The following FDFT1 variants were observed in gnomAD, a reference collection of about 807,000 sequenced individuals.
FDFT1 encodes farnesyl-diphosphate farnesyltransferase 1.
FDFT1 carries 68 observed loss-of-function variants against 46.8 expected under a neutral mutation model. The observed-to-expected ratio is 1.45, with a 90% CI of 1.19 to 1.78. The LOEUF (loss-of-function observed/expected upper bound fraction) is 1.78, where lower values mean the gene tolerates loss of function less well. Among genes scored for constraint, FDFT1 ranks in the 40% most tolerant of loss-of-function variants. The pLI is 0.00. For missense variants in FDFT1, 928 were observed against 524.4 expected, an observed-to-expected ratio of 1.77 and a Z score of -7.52; for synonymous variants, 351 against 185.1, an observed-to-expected ratio of 1.90 and a Z score of -7.28.
chr8:11,808,290 G>A, intron 1 of FDFT1: 9 of 1,224,482 alleles, frequency 7.4e-6, no homozygotes, highest in Non-Finnish European at 9.1e-6. Context: ...GAAGTGCGCT[G>A]GGTTCCCTTA....
intron 1 of FDFT1, chr8:11,808,140 T>C: frequency 5.9e-6 from 3 of 507,754 alleles, no homozygotes; most frequent in Non-Finnish European, 7.8e-6. Flanking sequence ...TTTAGCAGGA[T>C]TCTTGGTAAA....
intron 5 of FDFT1, 78 bp from the exon 6 acceptor site, chr8:11,830,166 C>G: frequency 1.7e-6 from 2 of 1,205,380 alleles, no homozygotes; most frequent in Non-Finnish European, 1.2e-6. Flanking sequence ...TTCTTATGCA[C>G]AAAGACCCTT....
At chr8:11,816,926 A>T (rs1001096431) in intron 3 of FDFT1, among the ~76,000 whole-genome samples, 1 of 152,098 alleles carries the variant, frequency 6.6e-6, no homozygotes, top group African/African-American at 2.4e-5. Flanking sequence ...TGGTGAGAGG[A>T]CGGCATCCTT....
Position 11,836,970 on chromosome 8 carries a change from C to CA in FDFT1, c.1033-1417dup, listed in dbSNP as rs532371717. Among the ~76,000 whole-genome samples the CA allele has an allele frequency of 2.8e-4, 43 of 152,354 alleles. No homozygotes were observed. The East Asian group carries it at 7.3e-3, about 26-fold the overall frequency. ...GGTGAGTAAGTAGGTGCGGTGTAGTCAGGGTGAAAACTACAGATGGTCCAT... is the reference window on the plus strand; with the variant it reads ...GGTGAGTAAGTAGGTGCGGTGTAGTCAAGGGTGAAAACTACAGATGGTCCAT... On this transcript the variant is annotated intron_variant, in intron 7 of 7. Transcript: ENST00000220584.
chr8:11,830,844 C>T (rs545784493), intron 6 of FDFT1, among the ~76,000 whole-genome samples: 121 of 152,310 alleles, frequency 7.9e-4, no homozygotes, highest in African/African-American at 2.8e-3. Context: ...GTAGACCTAG[C>T]CTCTCAGTAT....
At chr8:11,825,988 C>T in intron 4 of FDFT1, 36 bp from the exon 5 acceptor site, 2 of 1,455,324 alleles carry the variant, frequency 1.4e-6, no homozygotes, top group South Asian at 1.5e-5. Context: ...AGTAAAAATT[C>T]CATTATTAAA....
chr8:11,798,400 G>T (rs1283415386), upstream of FDFT1, among the ~76,000 whole-genome samples: 1 of 152,190 alleles, frequency 6.6e-6, no homozygotes, highest in African/African-American at 2.4e-5. Context: ...TGCCATATGG[G>T]AAAGGACAGG....
intron 3 of FDFT1, among the ~76,000 whole-genome samples, chr8:11,813,670 C>T (rs575302913): frequency 3.4e-4 from 52 of 152,338 alleles, no homozygotes; most frequent in Middle Eastern, 3.4e-3. Context: ...CTCTTACCCT[C>T]TATGTGGGAT....
Position 11,802,823 on chromosome 8 carries a change from C to A in FDFT1, c.-10C>A, listed in dbSNP as rs11549153. 2 of 1,604,378 alleles carry A rather than the reference C, an allele frequency of 1.2e-6. No individual in the cohort carries two copies. The highest frequency in any genetic ancestry group is 2.2e-5 in the East Asian group (1 of 44,664). On this transcript the variant is annotated 5_prime_UTR_variant, in exon 1 of 8. It adds an upstream start codon to the 5' untranslated region. Transcript: ENST00000220584. ...AGAGTCGCGCCCGGGAGTCCGCCGC[C>A]TGCGCCAGGATGGAGTTCGTGAAAT...
rs1327122673 is a variant in FDFT1, at chr8:11,838,831, C to G, written c.*222C>G. ...AACCTGTCCTTGTGGGTGATGATCA[C>G]TGTGCTGCTTGTGGCTCATGGCAGA... is the stretch of plus-strand genomic sequence containing the variant. On this transcript the variant is annotated 3_prime_UTR_variant, in exon 8 of 8. Transcript: ENST00000220584. 9 of 560,252 alleles carry G rather than the reference C, an allele frequency of 1.6e-5. No individual in the cohort carries two copies. Among genetic ancestry groups the G allele is most frequent in the Non-Finnish European group, 2.9e-5 (9 of 312,486 alleles). 34.7% of individuals were successfully genotyped at this position (560,252 alleles called of 1,614,324 possible).
At chr8:11,814,762 G>C (rs1170455587) in intron 3 of FDFT1, among the ~76,000 whole-genome samples, 3 of 152,104 alleles carry the variant, frequency 2.0e-5, no homozygotes, top group Non-Finnish European at 4.4e-5. Context: ...TTAATAGTGA[G>C]AGAAACTCTA....
At chr8:11,818,681 A>G (rs768887414) in intron 3 of FDFT1, among the ~76,000 whole-genome samples, 4 of 147,986 alleles carry the variant, frequency 2.7e-5, no homozygotes, top group Non-Finnish European at 6.0e-5. Context: ...CTAGGATTGC[A>G]TTCCCTGCTT....
At chr8:11,813,764 A>G (rs1181958540) in intron 3 of FDFT1, among the ~76,000 whole-genome samples, 10 of 152,202 alleles carry the variant, frequency 6.6e-5, no homozygotes, top group Non-Finnish European at 1.2e-4. Context: ...ATCTGAGAAC[A>G]TAGAAATCTA....
intron 4 of FDFT1, among the ~76,000 whole-genome samples, chr8:11,822,289 C>G (rs563909022): frequency 1.3e-5 from 2 of 152,242 alleles, no homozygotes; most frequent in South Asian, 2.1e-4. Context: ...ATTTAGCAGG[C>G]AGAGACATTT....
At chr8:11,837,858 T>C (rs1369122138) in intron 7 of FDFT1, among the ~76,000 whole-genome samples, 1 of 152,002 alleles carries the variant, frequency 6.6e-6, no homozygotes, top group East Asian at 1.9e-4. Flanking sequence ...CTGCACATAC[T>C]TGGGAGGCTT....
At chr8:11,808,189 C>T (rs928476143) in intron 1 of FDFT1, 13 of 988,250 alleles carry the variant, frequency 1.3e-5, no homozygotes, top group African/African-American at 1.7e-5. Flanking sequence ...AGTACAAAGT[C>T]CAGGCCTTAT....
rs768802995 is a variant in FDFT1, at chr8:11,831,504, C to A, written c.880-14C>A. The A allele has an allele frequency of 1.2e-6, 2 of 1,604,286 alleles. No homozygotes were observed. Among genetic ancestry groups the A allele is most frequent in the African/African-American group, 1.3e-5 (1 of 74,696 alleles). Reference sequence around the variant, plus strand: ...TCATTTCTTCTTTTTTCCCTCTCTTCTTGTTGTCTCTAGGTGATGGCCATT... The same window carrying A: ...TCATTTCTTCTTTTTTCCCTCTCTTATTGTTGTCTCTAGGTGATGGCCATT... On this transcript the variant is annotated splice_polypyrimidine_tract_variant and intron_variant, in intron 6 of 7. Coordinates refer to ENST00000220584, the MANE Select transcript of FDFT1 (RefSeq NM_004462.5).
chr8:11,828,108 G>T (rs1359239316), intron 5 of FDFT1, among the ~76,000 whole-genome samples: 1 of 151,858 alleles, frequency 6.6e-6, no homozygotes, highest in African/African-American at 2.4e-5. Context: ...AGGCTGATGT[G>T]AGACTCCATT....
At position 11,826,153 on chromosome 8, in the gene FDFT1, A is replaced by G; in HGVS notation, c.640A>G (p.Thr214Ala). 3 of 1,604,584 alleles carry G rather than the reference A, an allele frequency of 1.9e-6. No homozygotes were observed. The highest frequency in any genetic ancestry group is 2.6e-6 in the Non-Finnish European group (3 of 1,172,666). Residue 214 changes from threonine (T) to alanine (A), a missense_variant, in exon 5 of 8, where the codon ACA (threonine) becomes GCA (alanine). Transcript: ENST00000220584. ...CTCTATGGGCCTGTTTTTGCAGAAA[A>G]CAAACATCATCCGTGACTATCTGGA... ...ANSMGLFLQK[T>A]NIIRDYLEDQ...
Sources: gnomAD v4.1 joint callset for allele counts (sites outside exome capture counted in the v4.1 genomes callset) on GRCh38, gnomAD v4.1.1 for gene constraint, MANE v1.5 for transcripts, NCBI Gene and HGNC (gene_info 2026-07-23, HGNC 2026-07-21) for gene names.